The following AGAP1 variants were observed in gnomAD, a reference collection of about 807,000 sequenced individuals.
AGAP1 encodes the protein arf-GAP with GTPase, ANK repeat and PH domain-containing protein 1.
AGAP1 carries 29 observed loss-of-function variants against 105.3 expected under a neutral mutation model. The ratio of observed to expected loss-of-function variants is 0.28; its 90% CI spans 0.21 to 0.38. The LOEUF is 0.38. Among genes scored for constraint, AGAP1 ranks in the 10% least tolerant of loss-of-function variants. The pLI is 1.00. For synonymous variants in AGAP1, 509 were observed against 485.9 expected (o/e 1.05, Z -0.63); for missense variants, 998 against 1,165.1 (o/e 0.86, Z 2.09).
At chr2:235,995,146 A>T (rs2055754541) in intron 13 of AGAP1, among the ~76,000 whole-genome samples, 1 of 150,058 alleles carries the variant, frequency 6.7e-6, no homozygotes, top group Non-Finnish European at 1.5e-5. Context: ...TAAATATGTT[A>T]TTTGGAATAT....
chr2:235,560,740 G>A (rs1944121724), intron 1 of AGAP1, among the ~76,000 whole-genome samples: 1 of 152,142 alleles, frequency 6.6e-6, no homozygotes, highest in Non-Finnish European at 1.5e-5. Flanking sequence ...ACCTAAGCCT[G>A]GTGAGACCCA....
rs1305600509 is a variant in AGAP1, at chr2:236,124,970, G to A, written c.*848G>A. The A allele has an allele frequency of 6.0e-6, 1 of 165,952 alleles. No individual in the cohort carries two copies. The highest frequency in any genetic ancestry group is 1.5e-5 in the Non-Finnish European group (1 of 68,106). The allele number at this position is 165,952 out of a possible 1,614,324, so 10.3% of individuals were successfully genotyped here. On this transcript the variant is annotated 3_prime_UTR_variant, in exon 18 of 18. Coordinates refer to ENST00000304032, the MANE Select transcript of AGAP1 (RefSeq NM_001037131.3). This position sits in a 1 kb window ranked among gnomAD's most constrained non-coding sequence, Gnocchi z 5.1. Reference sequence around the variant, plus strand: ...GTATTATTTGACTCCGGTCTCCTTGGTGCAAAAACAAAATGGGAAAAATAA... The same window carrying A: ...GTATTATTTGACTCCGGTCTCCTTGATGCAAAAACAAAATGGGAAAAATAA...
Position 235,888,871 on chromosome 2 carries a change from G to A in AGAP1, c.1155+5422G>A, listed in dbSNP as rs2050393202. 6.6e-6 allele frequency among the ~76,000 whole-genome samples: 1 copy of A among 152,296 alleles called. No homozygotes were observed. Reference sequence around the variant, plus strand: ...TTGGGAAAGACACCCCAGCAGTGGGGAGCTCTGGCTTTCAGTTCCTTTGCA... The same window carrying A: ...TTGGGAAAGACACCCCAGCAGTGGGAAGCTCTGGCTTTCAGTTCCTTTGCA... On this transcript the variant is annotated intron_variant, in intron 10 of 17. Coordinates refer to ENST00000304032, the MANE Select transcript of AGAP1 (RefSeq NM_001037131.3). This position sits in a 1 kb window ranked among gnomAD's most constrained non-coding sequence, Gnocchi z 4.8.
chr2:235,527,123 A>G (rs1942870190), intron 1 of AGAP1, among the ~76,000 whole-genome samples: 1 of 152,180 alleles, frequency 6.6e-6, no homozygotes, highest in Admixed American at 6.5e-5. Flanking sequence ...GAAATAGATA[A>G]AGGATGGGAT....
intron 6 of AGAP1, among the ~76,000 whole-genome samples, chr2:235,784,193 G>A (rs1392301896): frequency 6.6e-6 from 1 of 151,572 alleles, no homozygotes; most frequent in East Asian, 1.9e-4. Context: ...CATTAAGATG[G>A]GTCCAGATAA....
chr2:236,049,053 C>T lies in AGAP1; in HGVS notation c.1892-6C>T. On this transcript the variant is annotated splice_polypyrimidine_tract_variant and splice_region_variant and intron_variant, in intron 15 of 17. Transcript: ENST00000304032. Reference sequence around the variant, plus strand: ...TGCGTTTAGCGTTCTGTTCCTCTTCCCGTAGATCCCAACTGGGCCAGTTTG... The same window carrying T: ...TGCGTTTAGCGTTCTGTTCCTCTTCTCGTAGATCCCAACTGGGCCAGTTTG... The T allele has an allele frequency of 6.2e-7, 1 of 1,612,432 alleles. No individual in the cohort carries two copies. Among genetic ancestry groups the T allele is most frequent in the Non-Finnish European group, 8.5e-7 (1 of 1,178,732 alleles).
At chr2:235,892,679 T>C (rs1217529491) in intron 10 of AGAP1, among the ~76,000 whole-genome samples, 2 of 152,174 alleles carry the variant, frequency 1.3e-5, no homozygotes, top group Admixed American at 1.3e-4. Context: ...CACATAGGAC[T>C]GCAACATTTT....
At chr2:236,085,215 CAAAAAAAAAAAAAA>C (rs144353985) in intron 16 of AGAP1, among the ~76,000 whole-genome samples, 1 of 58,412 alleles carries the variant, frequency 1.7e-5, no homozygotes, top group African/African-American at 6.5e-5. Flanking sequence ...GACTCCGTCT[CAAAAAAAAAAAAAA>C]AAAAAAAAAA....
chr2:235,816,697 C>T (rs934398902), intron 9 of AGAP1, among the ~76,000 whole-genome samples: 2 of 152,000 alleles, frequency 1.3e-5, no homozygotes, highest in Non-Finnish European at 1.5e-5. Context: ...TCAAGACCAG[C>T]CTGGCCAACA....
chr2:236,037,701 C>G (rs560436739), intron 14 of AGAP1, among the ~76,000 whole-genome samples: 1 of 152,346 alleles, frequency 6.6e-6, no homozygotes, highest in East Asian at 1.9e-4. Context: ...AGCTACCACG[C>G]CTGGCTTAAC....
chr2:235,985,606 T>C (rs1303403311), intron 13 of AGAP1, among the ~76,000 whole-genome samples: 2 of 152,230 alleles, frequency 1.3e-5, no homozygotes, highest in Non-Finnish European at 1.5e-5. Flanking sequence ...CTTTAATTAA[T>C]CTTGGGTTAA....
In AGAP1 at chr2:235,552,933, A is replaced by C. The variant is rs1272325858; in HGVS notation, c.163+58084A>C. On this transcript the variant is annotated intron_variant, in intron 1 of 17. Coordinates refer to ENST00000304032, the MANE Select transcript of AGAP1 (RefSeq NM_001037131.3). The surrounding 1 kb of genome is among the most constrained non-coding windows in gnomAD (Gnocchi z 5.9). ...GCCTGCCTTGGTCGTAACTTCTCAC[A>C]CACATACATCCACACATGTGCATCT... is the stretch of plus-strand genomic sequence containing the variant. Among the ~76,000 whole-genome samples, 1 of 152,194 alleles carries C rather than the reference A, an allele frequency of 6.6e-6. No homozygotes were observed. Among genetic ancestry groups the C allele is most frequent in the Non-Finnish European group, 1.5e-5 (1 of 68,034 alleles).
At chr2:236,102,948 C>T (rs1441934511) in intron 16 of AGAP1, among the ~76,000 whole-genome samples, 1 of 152,044 alleles carries the variant, frequency 6.6e-6, no homozygotes, top group South Asian at 2.1e-4. Context: ...GTTCTCCCAC[C>T]GCAAGCCCCC....
intron 2 of AGAP1, among the ~76,000 whole-genome samples, chr2:235,711,323 T>C (rs1419678014): frequency 6.6e-6 from 1 of 152,208 alleles, no homozygotes; most frequent in Admixed American, 6.5e-5. Flanking sequence ...CCACCTGACT[T>C]GGCAGTTCAA....
In AGAP1 at chr2:235,825,613, G is replaced by C. The variant is rs111733435; in HGVS notation, c.1050+18282G>C. On this transcript the variant is annotated intron_variant, in intron 9 of 17. Transcript: ENST00000304032. Reference sequence around the variant, plus strand: ...TTTCAGTTAGGTGAAGCAGAAAAATGTATCCAGCAAAGTCTTCATTAAAAA... The same window carrying C: ...TTTCAGTTAGGTGAAGCAGAAAAATCTATCCAGCAAAGTCTTCATTAAAAA... Among the ~76,000 whole-genome samples the C allele has an allele frequency of 4.1e-3, 624 of 152,312 alleles. 1 individual carries two copies. Among genetic ancestry groups the C allele is most frequent in the Non-Finnish European group, 7.4e-3 (501 of 68,028 alleles).
intron 6 of AGAP1, among the ~76,000 whole-genome samples, chr2:235,758,171 C>T (rs1020166475): frequency 6.6e-6 from 1 of 151,136 alleles, no homozygotes; most frequent in Non-Finnish European, 1.5e-5. Context: ...TGTGTGTTAG[C>T]GAGGGAATAC....
In AGAP1 at chr2:235,725,603, G is replaced by T. The variant is rs187451614; in HGVS notation, c.310+7959G>T. ...TTCAACCTCAATTTGACCGTTAGTT[G>T]CAACCAAGTGATTATAAACACATGA... On this transcript the variant is annotated intron_variant, in intron 3 of 17. Transcript: ENST00000304032. The surrounding 1 kb of genome is among the most constrained non-coding windows in gnomAD (Gnocchi z 5.7). 3.2e-4 allele frequency among the ~76,000 whole-genome samples: 48 copies of T among 151,984 alleles called. No homozygotes were observed. Among genetic ancestry groups the T allele is most frequent in the African/African-American group, 1.1e-3 (46 of 41,442 alleles).
intron 12 of AGAP1, among the ~76,000 whole-genome samples, chr2:235,948,345 G>C (rs6731815): frequency 0.029 from 4,337 of 152,038 alleles, 216 homozygotes; most frequent in African/African-American, 0.1. Flanking sequence ...ACCATGCCCA[G>C]CTAATTTTTT....
Position 235,586,894 on chromosome 2 carries a change from C to G in AGAP1, c.163+92045C>G, listed in dbSNP as rs191759072. The stretch of plus-strand genomic sequence containing the variant: ...GTGTAGTTCATATACCATGCACAGC[C>G]TGTCAGCATACAGCTTGAATGAACT... On this transcript the variant is annotated intron_variant, in intron 1 of 17. Coordinates refer to ENST00000304032, the MANE Select transcript of AGAP1 (RefSeq NM_001037131.3). This position sits in a 1 kb window ranked among gnomAD's most constrained non-coding sequence, Gnocchi z 4.2. 1.7e-3 allele frequency among the ~76,000 whole-genome samples: 258 copies of G among 152,304 alleles called. No individual in the cohort carries two copies. Among genetic ancestry groups the G allele is most frequent in the Non-Finnish European group, 2.7e-3 (184 of 68,038 alleles).
Sources: allele counts gnomAD v4.1 joint callset (sites outside exome capture counted in the v4.1 genomes callset), GRCh38; gene constraint gnomAD v4.1.1; non-coding constraint Gnocchi (gnomAD v3.1); transcripts MANE v1.5; gene names NCBI Gene and HGNC (gene_info 2026-07-23, HGNC 2026-07-21).